IGSF3: variants seen among roughly 807,000 people sequenced by gnomAD.
The protein encoded by IGSF3 is immunoglobulin superfamily member 3.
In IGSF3, 23 loss-of-function variants were observed where a neutral mutation model predicts 114.4. That is an observed-to-expected ratio of 0.20 (90% CI 0.14 to 0.28). The LOEUF (loss-of-function observed/expected upper bound fraction) is 0.28, where lower values mean the gene tolerates loss of function less well. Among genes scored for constraint, IGSF3 ranks in the 10% least tolerant of loss-of-function variants. The pLI is 1.00. For synonymous variants in IGSF3, 571 were observed against 645.2 expected (o/e 0.88, Z 1.74); for missense variants, 1,172 against 1,591.5 (o/e 0.74, Z 4.48).
rs1331226754 is a variant in IGSF3, at chr1:116,632,764, G to A, written c.44-16307C>T. ...ACAGAGCCTGGCCTGGAGCATGAGG[G>A]AGAACCACAGCCAACTCCAGAAAAA... On this transcript the variant is annotated intron_variant, in intron 2 of 10. Coordinates refer to ENST00000369486, the MANE Select transcript of IGSF3 (RefSeq NM_001007237.3). This position sits in a 1 kb window ranked among gnomAD's most constrained non-coding sequence, Gnocchi z 5.1. Among the ~76,000 whole-genome samples the A allele has an allele frequency of 1.3e-5, 2 of 152,184 alleles. No homozygotes were observed. Among genetic ancestry groups the A allele is most frequent in the East Asian group, 1.9e-4 (1 of 5,198 alleles).
rs1659307580 is a variant in IGSF3 at position 116,575,489 on chromosome 1, T to G, written c.*1823A>C. 1 of 152,580 alleles carries G rather than the reference T, an allele frequency of 6.6e-6. No homozygotes were observed. Among genetic ancestry groups the G allele is most frequent in the African/African-American group, 2.4e-5 (1 of 41,458 alleles). The allele number at this position is 152,580 out of a possible 1,614,324, so 9.5% of individuals were successfully genotyped here. ...GAGCAGCCCAGGCCACCTGCATACCTGCAGACCCTTGAAGGATCAGCACAG... is the reference window on the plus strand; with the variant it reads ...GAGCAGCCCAGGCCACCTGCATACCGGCAGACCCTTGAAGGATCAGCACAG... On this transcript the variant is annotated 3_prime_UTR_variant, in exon 11 of 11. Transcript: ENST00000369486. The surrounding 1 kb of genome is among the most constrained non-coding windows in gnomAD (Gnocchi z 5.6).
rs1012902505 is a variant in IGSF3 at position 116,644,353 on chromosome 1, C to T, written c.43+21931G>A. ...AGAGCCCTGAGCAGCAAGCTCCAGA[C>T]GGGAGATGCGCCATATAACAGCAGC... On this transcript the variant is annotated intron_variant, in intron 2 of 10. Coordinates refer to ENST00000369486, the MANE Select transcript of IGSF3 (RefSeq NM_001007237.3). The surrounding 1 kb of genome is among the most constrained non-coding windows in gnomAD (Gnocchi z 5.6). Among the ~76,000 whole-genome samples the T allele has an allele frequency of 2.0e-5, 3 of 152,190 alleles. No homozygotes were observed. Among genetic ancestry groups the T allele is most frequent in the Non-Finnish European group, 4.4e-5 (3 of 68,036 alleles).
rs1648592104 is a variant in IGSF3, at chr1:116,650,562, G to C, written c.43+15722C>G. Among the ~76,000 whole-genome samples the C allele has an allele frequency of 6.6e-6, 1 of 152,176 alleles. No individual in the cohort carries two copies. The highest frequency in any genetic ancestry group is 2.1e-4 in the South Asian group (1 of 4,824). On this transcript the variant is annotated intron_variant, in intron 2 of 10. Coordinates refer to ENST00000369486, the MANE Select transcript of IGSF3 (RefSeq NM_001007237.3). This position sits in a 1 kb window ranked among gnomAD's most constrained non-coding sequence, Gnocchi z 5.0. ...AGGGTCACCTTTCCTTGAGTGGCAT[G>C]TGGGAGAGGTGTGGCATCCAACCCA...
chr1:116,625,055 G>A lies in IGSF3; in HGVS notation c.44-8598C>T, dbSNP rs1661533999. On this transcript the variant is annotated intron_variant, in intron 2 of 10. Coordinates refer to ENST00000369486, the MANE Select transcript of IGSF3 (RefSeq NM_001007237.3). The surrounding 1 kb of genome is among the most constrained non-coding windows in gnomAD (Gnocchi z 4.7). ...CAGATTCTGTGAGCATAACAAAATTGTTGTTTTAAGCCACTGAGGTTTGGA... is the reference window on the plus strand; with the variant it reads ...CAGATTCTGTGAGCATAACAAAATTATTGTTTTAAGCCACTGAGGTTTGGA... Among the ~76,000 whole-genome samples the A allele has an allele frequency of 6.6e-6, 1 of 152,194 alleles. No individual in the cohort carries two copies. Among genetic ancestry groups the A allele is most frequent in the African/African-American group, 2.4e-5 (1 of 41,456 alleles).
rs1297739598 is a variant in IGSF3 at position 116,644,566 on chromosome 1, T to C, written c.43+21718A>G. ...AAGCCAGGAAGCGAACTGCACAGAA[T>C]GGACTGTTCCAGTGTCCATGGGCTG... On this transcript the variant is annotated intron_variant, in intron 2 of 10. Coordinates refer to ENST00000369486, the MANE Select transcript of IGSF3 (RefSeq NM_001007237.3). This position sits in a 1 kb window ranked among gnomAD's most constrained non-coding sequence, Gnocchi z 5.6. Among the ~76,000 whole-genome samples, 1 of 152,198 alleles carries C rather than the reference T, an allele frequency of 6.6e-6. No homozygotes were observed. Among genetic ancestry groups the C allele is most frequent in the Non-Finnish European group, 1.5e-5 (1 of 68,038 alleles).
At position 116,648,226 on chromosome 1, in the gene IGSF3, G is replaced by A. The variant is rs1477464277; in HGVS notation, c.43+18058C>T. 1.3e-5 allele frequency among the ~76,000 whole-genome samples: 2 copies of A among 152,200 alleles called. No individual in the cohort carries two copies. The highest frequency in any genetic ancestry group is 1.3e-4 in the Admixed American group (2 of 15,284). ...AAGAATGTCAACTCTCCATTCAACA[G>A]AGAAACAGTGCCACCACTGTCTTTA... On this transcript the variant is annotated intron_variant, in intron 2 of 10. Transcript: ENST00000369486. The surrounding 1 kb of genome is among the most constrained non-coding windows in gnomAD (Gnocchi z 4.7).
chr1:116,586,118 C>T (rs1659833505), intron 8 of IGSF3, among the ~76,000 whole-genome samples: 1 of 152,184 alleles, frequency 6.6e-6, no homozygotes, highest in Admixed American at 6.5e-5. Flanking sequence ...AATGAGACTT[C>T]TGAGTGACAT....
chr1:116,605,381 T>C lies in IGSF3; in HGVS notation c.1223-1356A>G, dbSNP rs111372967. Among the ~76,000 whole-genome samples the C allele has an allele frequency of 3.3e-5, 5 of 152,134 alleles. No individual in the cohort carries two copies. The highest frequency in any genetic ancestry group is 1.2e-4 in the African/African-American group (5 of 41,504). On this transcript the variant is annotated intron_variant, in intron 5 of 10. Coordinates refer to ENST00000369486, the MANE Select transcript of IGSF3 (RefSeq NM_001007237.3). The surrounding 1 kb of genome is among the most constrained non-coding windows in gnomAD (Gnocchi z 5.1). ...CTTATTATAGTGAGGATGCCTGCTATCCATTCTGGATTTGCTTGTTTTATG... is the reference window on the plus strand; with the variant it reads ...CTTATTATAGTGAGGATGCCTGCTACCCATTCTGGATTTGCTTGTTTTATG...
chr1:116,581,320 C>CTTTTTTTTTTTTT (rs955415319), intron 9 of IGSF3, among the ~76,000 whole-genome samples: 1 of 70,592 alleles, frequency 1.4e-5, no homozygotes, highest in African/African-American at 5.3e-5. Flanking sequence ...GTTTTGCTGT[C>CTTTTTTTTTTTTT]TTTTTTTTTT....
chr1:116,594,707 G>A lies in IGSF3; in HGVS notation c.2029+5234C>T, dbSNP rs1290129596. Among the ~76,000 whole-genome samples the A allele has an allele frequency of 3.3e-5, 5 of 151,990 alleles. No homozygotes were observed. Among genetic ancestry groups the A allele is most frequent in the Admixed American group, 2.0e-4 (3 of 15,266 alleles). The stretch of plus-strand genomic sequence containing the variant: ...GCCCACCCTCACCCCATGCTCCCAT[G>A]TACAAAAGGGACTTCTTGATCCCTG... On this transcript the variant is annotated intron_variant, in intron 7 of 10. Coordinates refer to ENST00000369486, the MANE Select transcript of IGSF3 (RefSeq NM_001007237.3). The surrounding 1 kb of genome is among the most constrained non-coding windows in gnomAD (Gnocchi z 5.2).
Position 116,616,372 on chromosome 1 carries a change from A to G in IGSF3, c.129T>C (p.Asn43=), listed in dbSNP as rs1419812082. Residue 43 remains asparagine, a synonymous_variant, in exon 3 of 11, where the codon AAT becomes AAC. Coordinates refer to ENST00000369486, the MANE Select transcript of IGSF3 (RefSeq NM_001007237.3). This position sits in a 1 kb window ranked among gnomAD's most constrained non-coding sequence, Gnocchi z 6.6. Reference sequence around the variant, plus strand: ...CAGAAGGTCCCTGGTAGCCACTCACATTGCACCAGATAGTGATGTGGGAGC... The same window carrying G: ...CAGAAGGTCCCTGGTAGCCACTCACGTTGCACCAGATAGTGATGTGGGAGC... ...TEGSHITIWC[N]VSGYQGPSEQ... 6 of 1,611,906 alleles carry G rather than the reference A, an allele frequency of 3.7e-6. No homozygotes were observed. Among genetic ancestry groups the G allele is most frequent in the Non-Finnish European group, 4.2e-6 (5 of 1,179,714 alleles).
rs1647632629 is a variant in IGSF3 at position 116,632,416 on chromosome 1, C to G, written c.44-15959G>C. 6.6e-6 allele frequency among the ~76,000 whole-genome samples: 1 copy of G among 152,082 alleles called. No individual in the cohort carries two copies. The highest frequency in any genetic ancestry group is 1.9e-4 in the East Asian group (1 of 5,186). ...TAGACTGTCATTGGATGGTGACATT[C>G]CCCAGGACTCAAGCAGCATCTGAGA... On this transcript the variant is annotated intron_variant, in intron 2 of 10. Transcript: ENST00000369486. This position sits in a 1 kb window ranked among gnomAD's most constrained non-coding sequence, Gnocchi z 5.1.
At chr1:116,606,029 A>G (rs1460192814) in intron 5 of IGSF3, among the ~76,000 whole-genome samples, 3 of 152,230 alleles carry the variant, frequency 2.0e-5, no homozygotes, top group Non-Finnish European at 4.4e-5. Flanking sequence ...GCAACTACAG[A>G]CCTGGTGCCT....
In IGSF3 at chr1:116,593,942, G is replaced by A. The variant is rs932567928; in HGVS notation, c.2030-4838C>T. Among the ~76,000 whole-genome samples the A allele has an allele frequency of 3.9e-5, 6 of 152,232 alleles. No homozygotes were observed. The highest frequency in any genetic ancestry group is 1.4e-4 in the African/African-American group (6 of 41,454). On this transcript the variant is annotated intron_variant, in intron 7 of 10. Transcript: ENST00000369486. The surrounding 1 kb of genome is among the most constrained non-coding windows in gnomAD (Gnocchi z 4.5). ...AACAAAACTCTGCCTCGTGTCCTGT[G>A]TGACTTTCGAATGACATTCATATGG...
intron 2 of IGSF3, among the ~76,000 whole-genome samples, chr1:116,623,948 A>G (rs2101029382): frequency 6.6e-6 from 1 of 150,860 alleles, no homozygotes; most frequent in South Asian, 2.1e-4. Context: ...TTAGCCCAGC[A>G]TGGTGATGTG....
At position 116,666,780 on chromosome 1, in the gene IGSF3, C is replaced by T. The variant is rs184227291; in HGVS notation, c.-454G>A. The T allele has an allele frequency of 7.0e-4, 287 of 412,180 alleles. 4 individuals are homozygous for T. Among genetic ancestry groups the T allele is most frequent in the African/African-American group, 5.4e-3 (262 of 48,840 alleles). The allele number at this position is 412,180 out of a possible 1,614,324, so 25.5% of individuals were successfully genotyped here. ...AGAACAGGGCAGGTTTCGTCAAAAC[C>T]TTTGACGGCCAAATCACCCTGCCTG... On this transcript the variant is annotated 5_prime_UTR_variant, in exon 2 of 11. Transcript: ENST00000369486.
At position 116,665,241 on chromosome 1, in the gene IGSF3, A is replaced by G. The variant is rs1016900635; in HGVS notation, c.43+1043T>C. On this transcript the variant is annotated intron_variant, in intron 2 of 10. Transcript: ENST00000369486. This position sits in a 1 kb window ranked among gnomAD's most constrained non-coding sequence, Gnocchi z 4.0. ...CTGCAAGGGTGTAGACAATGCATGG[A>G]AGCAATCTCCACTGCCAACAGATCA... is the stretch of plus-strand genomic sequence containing the variant. Among the ~76,000 whole-genome samples the G allele has an allele frequency of 4.6e-5, 7 of 152,118 alleles. No homozygotes were observed. The highest frequency in any genetic ancestry group is 1.7e-4 in the African/African-American group (7 of 41,394).
At chr1:116,590,017 G>T (rs1484169480) in intron 7 of IGSF3, among the ~76,000 whole-genome samples, 1 of 152,144 alleles carries the variant, frequency 6.6e-6, no homozygotes. Flanking sequence ...GCGAATGAGA[G>T]CACGTTGGAG....
Position 116,574,728 on chromosome 1 carries a change from A to C in IGSF3, c.*2584T>G, listed in dbSNP as rs937886848. On this transcript the variant is annotated 3_prime_UTR_variant, in exon 11 of 11. Coordinates refer to ENST00000369486, the MANE Select transcript of IGSF3 (RefSeq NM_001007237.3). The surrounding 1 kb of genome is among the most constrained non-coding windows in gnomAD (Gnocchi z 5.2). Reference sequence around the variant, plus strand: ...AGACATAGATGAATCCAGAGTATTCAGCAGTTTTCCTCCGTCTCAGAAGAC... The same window carrying C: ...AGACATAGATGAATCCAGAGTATTCCGCAGTTTTCCTCCGTCTCAGAAGAC... The C allele has an allele frequency of 2.0e-5, 3 of 152,642 alleles. No individual in the cohort carries two copies. The highest frequency in any genetic ancestry group is 7.2e-5 in the African/African-American group (3 of 41,464). 9.5% of individuals were successfully genotyped at this position (152,642 alleles called of 1,614,324 possible).
Sources: gnomAD v4.1 joint callset for allele counts (sites outside exome capture counted in the v4.1 genomes callset) on GRCh38, gnomAD v4.1.1 for gene constraint, Gnocchi (gnomAD v3.1) non-coding constraint, MANE v1.5 for transcripts, NCBI Gene and HGNC (gene_info 2026-07-23, HGNC 2026-07-21) for gene names.